KIRREL3: variants seen among roughly 807,000 people sequenced by gnomAD.
KIRREL3 encodes kin of IRRE-like protein 3.
In KIRREL3, 36 loss-of-function variants were observed where a neutral mutation model predicts 89.7. The observed-to-expected ratio is 0.40, with a 90% CI of 0.31 to 0.53. KIRREL3 has a LOEUF of 0.53. KIRREL3 is among the 20% of genes least tolerant of loss of function. The probability of loss-of-function intolerance (pLI) is 0.49; values close to 1 mark genes in which losing one functional copy is unlikely to be tolerated. For missense variants in KIRREL3, 864 were observed against 1,056.6 expected (o/e 0.82, Z 2.53); for synonymous variants, 445 against 441.4 (o/e 1.01, Z -0.10).
rs1955558625 is a variant in KIRREL3, at chr11:126,441,435, C to T, written c.1253-886G>A. On this transcript the variant is annotated intron_variant, in intron 10 of 16. Transcript: ENST00000525144. This position sits in a 1 kb window ranked among gnomAD's most constrained non-coding sequence, Gnocchi z 5.0. ...TCTTTCCCCTGTGACGCCTGCCTGG[C>T]CGTGAAAGACAAAAGAAGGAGCAGC... Among the ~76,000 whole-genome samples, 2 of 152,190 alleles carry T rather than the reference C, an allele frequency of 1.3e-5. No individual in the cohort carries two copies. The highest frequency in any genetic ancestry group is 2.9e-5 in the Non-Finnish European group (2 of 68,032).
In KIRREL3 at chr11:126,981,310, T is replaced by C; in HGVS notation, c.55+19145A>G. On this transcript the variant is annotated intron_variant, in intron 1 of 16. Transcript: ENST00000525144. This position sits in a 1 kb window ranked among gnomAD's most constrained non-coding sequence, Gnocchi z 4.2. ...GGCAGGCTACAGATGTTACTGCTGA[T>C]GGCTGCAGTGACCAGTATCAAGTGA... Among the ~76,000 whole-genome samples, 1 of 152,232 alleles carries C rather than the reference T, an allele frequency of 6.6e-6. No homozygotes were observed. Among genetic ancestry groups the C allele is most frequent in the East Asian group, 1.9e-4 (1 of 5,204 alleles).
rs150047751 is a variant in KIRREL3, at chr11:126,519,476, C to T, written c.433+1839G>A. On this transcript the variant is annotated intron_variant, in intron 4 of 16. Coordinates refer to ENST00000525144, the MANE Select transcript of KIRREL3 (RefSeq NM_032531.4). This position sits in a 1 kb window ranked among gnomAD's most constrained non-coding sequence, Gnocchi z 4.3. ...ACTTTTAATACGTTGGACTTTTTTA[C>T]GTAACGTAGAGTTGAGAGGAAAGGA... Among the ~76,000 whole-genome samples, 16 of 152,334 alleles carry T rather than the reference C, an allele frequency of 1.1e-4. No homozygotes were observed. Among genetic ancestry groups the T allele is most frequent in the East Asian group, 3.9e-4 (2 of 5,184 alleles).
chr11:126,676,958 A>C lies in KIRREL3; in HGVS notation c.56-114046T>G, dbSNP rs1268407413. Among the ~76,000 whole-genome samples the C allele has an allele frequency of 6.6e-6, 1 of 151,670 alleles. No individual in the cohort carries two copies. The highest frequency in any genetic ancestry group is 1.5e-5 in the Non-Finnish European group (1 of 67,930). On this transcript the variant is annotated intron_variant, in intron 1 of 16. Coordinates refer to ENST00000525144, the MANE Select transcript of KIRREL3 (RefSeq NM_032531.4). The surrounding 1 kb of genome is among the most constrained non-coding windows in gnomAD (Gnocchi z 4.5). ...CACCACCACACCACGCTAATTTTTA[A>C]AAAATTTTTTGTAGAGACAGGGTCT...
intron 1 of KIRREL3, among the ~76,000 whole-genome samples, chr11:126,836,448 C>T (rs1332511757): frequency 1.3e-5 from 2 of 149,774 alleles, no homozygotes; most frequent in Non-Finnish European, 3.0e-5. Context: ...CTGAGCCAAG[C>T]CAATATACGG....
At chr11:126,546,173 T>G (rs1938799385) in intron 2 of KIRREL3, among the ~76,000 whole-genome samples, 1 of 152,232 alleles carries the variant, frequency 6.6e-6, no homozygotes, top group South Asian at 2.1e-4. Flanking sequence ...AATGTATCCA[T>G]GAATAATAAC....
chr11:126,925,053 G>A (rs1190949977), intron 1 of KIRREL3, among the ~76,000 whole-genome samples: 1 of 141,742 alleles, frequency 7.1e-6, no homozygotes, highest in African/African-American at 2.5e-5. Context: ...GTCCTAGAGA[G>A]AGATGTACAC....
chr11:126,923,129 C>CTCCTCCTCCTTCTTCTTCTTCTTCT lies in KIRREL3; in HGVS notation c.55+77325_55+77326insAGAAGAAGAAGAAGAAGGAGGAGGA, dbSNP rs1246765425. ...CCTTCTCCTTCTCCTTCTCCTTCTT[C>CTCCTCCTCCTTCTTCTTCTTCTTCT]TCTTCTTCTTCTTCTTCTTCTTCTT... On this transcript the variant is annotated intron_variant, in intron 1 of 16. Transcript: ENST00000525144. Among the ~76,000 whole-genome samples, 2 of 25,732 alleles carry CTCCTCCTCCTTCTTCTTCTTCTTCT rather than the reference C, an allele frequency of 7.8e-5. 1 individual carries two copies. Among genetic ancestry groups the CTCCTCCTCCTTCTTCTTCTTCTTCT allele is most frequent in the Non-Finnish European group, 1.6e-4 (2 of 12,876 alleles). 16.9% of individuals were successfully genotyped at this position (25,732 alleles called of 152,430 possible). A position where few individuals can be genotyped will look rare whatever the true frequency, so the allele number is the denominator to read the frequency against.
In KIRREL3 at chr11:126,489,810, C is replaced by T. The variant is rs915286632; in HGVS notation, c.434-16344G>A. Among the ~76,000 whole-genome samples the T allele has an allele frequency of 6.6e-6, 1 of 152,188 alleles. No individual in the cohort carries two copies. Among genetic ancestry groups the T allele is most frequent in the Non-Finnish European group, 1.5e-5 (1 of 68,026 alleles). ...CCTTTCAGCTTTGATGAGCAACTCA[C>T]TTGCCATGGAAAGTGTGTTGTTCAT... On this transcript the variant is annotated intron_variant, in intron 4 of 16. Transcript: ENST00000525144. The surrounding 1 kb of genome is among the most constrained non-coding windows in gnomAD (Gnocchi z 5.5).
rs3862633 is a variant in KIRREL3, at chr11:126,705,690, C to G, written c.56-142778G>C. On this transcript the variant is annotated intron_variant, in intron 1 of 16. Coordinates refer to ENST00000525144, the MANE Select transcript of KIRREL3 (RefSeq NM_032531.4). This position sits in a 1 kb window ranked among gnomAD's most constrained non-coding sequence, Gnocchi z 4.3. ...AGTGTATATGTATATGTAATGTATA[C>G]CTATGTGTATGTGCATAAATGGAAA... Among the ~76,000 whole-genome samples, 133,998 of 152,254 alleles carry G rather than the reference C, an allele frequency of 0.88. 59,142 individuals carry two copies. Among genetic ancestry groups the G allele is most frequent in the East Asian group, 1 (5,181 of 5,188 alleles).
intron 2 of KIRREL3, among the ~76,000 whole-genome samples, chr11:126,552,220 C>T (rs1226862487): frequency 3.3e-5 from 5 of 151,628 alleles, no homozygotes; most frequent in Non-Finnish European, 4.4e-5. Context: ...ACATTGGGTT[C>T]GGCCACTGTG....
intron 2 of KIRREL3, among the ~76,000 whole-genome samples, chr11:126,554,222 G>A (rs1713094393): frequency 6.6e-6 from 1 of 152,196 alleles, no homozygotes; most frequent in Admixed American, 6.5e-5. Context: ...GACAGGATGA[G>A]TATTTCAGGT....
Position 126,459,097 on chromosome 11 carries a change from T to C in KIRREL3, c.743-2643A>G, listed in dbSNP as rs1956466629. Reference sequence around the variant, plus strand: ...CGGATCCAAACGCATTGCTGGCCCGTGCCCTCGCATTATAAAGGCCAACGC... The same window carrying C: ...CGGATCCAAACGCATTGCTGGCCCGCGCCCTCGCATTATAAAGGCCAACGC... On this transcript the variant is annotated intron_variant, in intron 6 of 16. Transcript: ENST00000525144. This position sits in a 1 kb window ranked among gnomAD's most constrained non-coding sequence, Gnocchi z 4.8. 6.6e-6 allele frequency among the ~76,000 whole-genome samples: 1 copy of C among 152,014 alleles called. No individual in the cohort carries two copies. Among genetic ancestry groups the C allele is most frequent in the Non-Finnish European group, 1.5e-5 (1 of 68,000 alleles).
rs929602475 is a variant in KIRREL3 at position 126,428,946 on chromosome 11, C to T, written c.1806+233G>A. Among the ~76,000 whole-genome samples the T allele has an allele frequency of 2.0e-5, 3 of 152,246 alleles. No individual in the cohort carries two copies. Among genetic ancestry groups the T allele is most frequent in the South Asian group, 2.1e-4 (1 of 4,834 alleles). On this transcript the variant is annotated intron_variant, in intron 15 of 16. Coordinates refer to ENST00000525144, the MANE Select transcript of KIRREL3 (RefSeq NM_032531.4). The surrounding 1 kb of genome is among the most constrained non-coding windows in gnomAD (Gnocchi z 6.4). ...GCAAGCGTGAGCCACTGCACCTGGC[C>T]TGGACTGCATCTTAGATGTCTTTGA...
intron 1 of KIRREL3, among the ~76,000 whole-genome samples, chr11:126,829,256 C>A (rs964712745): frequency 6.6e-6 from 1 of 152,134 alleles, no homozygotes; most frequent in Non-Finnish European, 1.5e-5. Context: ...GGATCTGTCA[C>A]GGGTGCTAAT....
At chr11:126,688,609 G>T (rs958298466) in intron 1 of KIRREL3, among the ~76,000 whole-genome samples, 5 of 152,276 alleles carry the variant, frequency 3.3e-5, no homozygotes, top group Non-Finnish European at 7.4e-5. Flanking sequence ...GCCCTGGATT[G>T]GTTGGGCCTT....
At chr11:127,001,316 G>GC (rs1450009683), upstream of KIRREL3, among the ~76,000 whole-genome samples, 1 of 60,428 alleles carries the variant, frequency 1.7e-5, no homozygotes, top group Non-Finnish European at 3.2e-5. Context: ...GGTTGTGGTG[G>GC]GGGGGGGGGG....
At chr11:126,910,582 A>G (rs1946777105) in intron 1 of KIRREL3, among the ~76,000 whole-genome samples, 1 of 152,216 alleles carries the variant, frequency 6.6e-6, no homozygotes, top group Non-Finnish European at 1.5e-5. Flanking sequence ...CTAACTCACT[A>G]AATTCTTACA....
At chr11:126,758,228 T>C (rs1949567413) in intron 1 of KIRREL3, among the ~76,000 whole-genome samples, 1 of 152,256 alleles carries the variant, frequency 6.6e-6, no homozygotes, top group African/African-American at 2.4e-5. Context: ...TCTTTCTCAA[T>C]TAGCTATTTT....
chr11:126,919,231 G>T (rs79526790), intron 1 of KIRREL3, among the ~76,000 whole-genome samples: 1 of 152,108 alleles, frequency 6.6e-6, no homozygotes, highest in Non-Finnish European at 1.5e-5. Context: ...GAGATTGAGC[G>T]CTGTGGTAGG....
Sources: gnomAD v4.1 joint callset for allele counts (sites outside exome capture counted in the v4.1 genomes callset) on GRCh38, gnomAD v4.1.1 for gene constraint, Gnocchi (gnomAD v3.1) non-coding constraint, MANE v1.5 for transcripts, NCBI Gene and HGNC (gene_info 2026-07-23, HGNC 2026-07-21) for gene names.